CASZ1: variants seen among roughly 807,000 people sequenced by gnomAD.
CASZ1 encodes zinc finger protein castor homolog 1.
CASZ1 carries 28 observed loss-of-function variants against 135.2 expected under a neutral mutation model. The ratio of observed to expected loss-of-function variants is 0.21; its 90% CI spans 0.15 to 0.28. The LOEUF is 0.28. Among genes scored for constraint, CASZ1 ranks in the 10% least tolerant of loss-of-function variants. The pLI is 1.00. For missense variants in CASZ1, 2,161 were observed against 2,453.3 expected, an observed-to-expected ratio of 0.88 and a Z score of 2.52; for synonymous variants, 1,068 against 1,073.4, an observed-to-expected ratio of 0.99 and a Z score of 0.10.
chr1:10,670,188 C>A (rs1301390904), intron 4 of CASZ1, among the ~76,000 whole-genome samples: 1 of 152,234 alleles, frequency 6.6e-6, no homozygotes, highest in Non-Finnish European at 1.5e-5. Flanking sequence ...GAGCAGCTGG[C>A]ATCCTCTGAG....
At position 10,721,193 on chromosome 1, in the gene CASZ1, C is replaced by G. The variant is rs1351534882; in HGVS notation, c.-76-15649G>C. Among the ~76,000 whole-genome samples, 1 of 152,094 alleles carries G rather than the reference C, an allele frequency of 6.6e-6. No individual in the cohort carries two copies. Among genetic ancestry groups the G allele is most frequent in the Non-Finnish European group, 1.5e-5 (1 of 68,006 alleles). ...GCTTGGCCACCAACTCCAGACTGCA[C>G]AGGGTTAACTCCAGACAGAGGGGCT... On this transcript the variant is annotated intron_variant, in intron 2 of 20. Coordinates refer to ENST00000377022, the MANE Select transcript of CASZ1 (RefSeq NM_001079843.3). This position sits in a 1 kb window ranked among gnomAD's most constrained non-coding sequence, Gnocchi z 5.4.
In CASZ1 at chr1:10,756,063, G is replaced by A. The variant is rs1185389819; in HGVS notation, c.-77+4638C>T. Among the ~76,000 whole-genome samples the A allele has an allele frequency of 6.6e-6, 1 of 152,054 alleles. No individual in the cohort carries two copies. Among genetic ancestry groups the A allele is most frequent in the Non-Finnish European group, 1.5e-5 (1 of 68,002 alleles). On this transcript the variant is annotated intron_variant, in intron 2 of 20. Transcript: ENST00000377022. This position sits in a 1 kb window ranked among gnomAD's most constrained non-coding sequence, Gnocchi z 5.9. ...CCCGGACACACCCTCCCCCAGGGCC[G>A]GCCCAGTGTTCTGAGGCCTGGCAGA...
intron 2 of CASZ1, among the ~76,000 whole-genome samples, chr1:10,708,895 G>A (rs1175434208): frequency 1.4e-5 from 2 of 147,446 alleles, no homozygotes; most frequent in African/African-American, 2.5e-5. Flanking sequence ...GCGCTGGGAG[G>A]ACCAGAGGCT....
At chr1:10,754,530 C>T (rs1394218835) in intron 2 of CASZ1, among the ~76,000 whole-genome samples, 1 of 152,226 alleles carries the variant, frequency 6.6e-6, no homozygotes, top group East Asian at 1.9e-4. Context: ...TCTCCCCTGA[C>T]CCTACTGGAC....
chr1:10,741,570 T>C lies in CASZ1; in HGVS notation c.-77+19131A>G, dbSNP rs1639923216. Reference sequence around the variant, plus strand: ...TAGATATTTACGGGAAATACATTTGTTGGTGCCAAACCCCTGGTTTTATTA... The same window carrying C: ...TAGATATTTACGGGAAATACATTTGCTGGTGCCAAACCCCTGGTTTTATTA... On this transcript the variant is annotated intron_variant, in intron 2 of 20. Transcript: ENST00000377022. The surrounding 1 kb of genome is among the most constrained non-coding windows in gnomAD (Gnocchi z 5.0). 6.6e-6 allele frequency among the ~76,000 whole-genome samples: 1 copy of C among 152,150 alleles called. No homozygotes were observed. The highest frequency in any genetic ancestry group is 1.5e-5 in the Non-Finnish European group (1 of 68,026).
intron 2 of CASZ1, among the ~76,000 whole-genome samples, chr1:10,749,704 C>T (rs1242150550): frequency 6.6e-6 from 1 of 152,182 alleles, no homozygotes; most frequent in Non-Finnish European, 1.5e-5. Flanking sequence ...TCCAGTTTCT[C>T]TTCTTACTTT....
At chr1:10,672,353 G>C (rs1239944407) in intron 4 of CASZ1, among the ~76,000 whole-genome samples, 1 of 151,986 alleles carries the variant, frequency 6.6e-6, no homozygotes, top group African/African-American at 2.4e-5. Context: ...CACTGCTCCT[G>C]AAATAATTTT....
chr1:10,656,837 G>C, intron 7 of CASZ1, 101 bp from the exon 8 acceptor site: 1 of 734,204 alleles, frequency 1.4e-6, no homozygotes, highest in Non-Finnish European at 2.4e-6. Context: ...CCCTGTATGG[G>C]ATGCAGAGGG....
In CASZ1 at chr1:10,699,767, C is replaced by A. The variant is rs1639018458; in HGVS notation, c.-24+5725G>T. ...CCAACAGACTGATTCTCTTGTGTCT[C>A]CCTTCCCCTTTGTCTCACCCTTGTA... On this transcript the variant is annotated intron_variant, in intron 3 of 20. Coordinates refer to ENST00000377022, the MANE Select transcript of CASZ1 (RefSeq NM_001079843.3). The surrounding 1 kb of genome is among the most constrained non-coding windows in gnomAD (Gnocchi z 4.6). Among the ~76,000 whole-genome samples, 1 of 152,162 alleles carries A rather than the reference C, an allele frequency of 6.6e-6. No homozygotes were observed. Among genetic ancestry groups the A allele is most frequent in the South Asian group, 2.1e-4 (1 of 4,830 alleles).
intron 3 of CASZ1, among the ~76,000 whole-genome samples, chr1:10,702,857 A>T (rs1408649591): frequency 6.6e-6 from 1 of 152,168 alleles, no homozygotes; most frequent in Non-Finnish European, 1.5e-5. Flanking sequence ...TCTCTGCACG[A>T]TGCCGGGGAA....
At chr1:10,644,625 G>A (rs1407910650) in intron 18 of CASZ1, among the ~76,000 whole-genome samples, 4 of 152,222 alleles carry the variant, frequency 2.6e-5, no homozygotes, top group African/African-American at 9.6e-5. Flanking sequence ...AAGGAAAACA[G>A]AACCACGCCC....
Position 10,788,014 on chromosome 1 carries a change from G to A in CASZ1, c.-234+8550C>T, listed in dbSNP as rs191562811. 3.3e-5 allele frequency among the ~76,000 whole-genome samples: 5 copies of A among 152,270 alleles called. No homozygotes were observed. The highest frequency in any genetic ancestry group is 1.9e-4 in the East Asian group (1 of 5,190). On this transcript the variant is annotated intron_variant, in intron 1 of 20. Coordinates refer to ENST00000377022, the MANE Select transcript of CASZ1 (RefSeq NM_001079843.3). The surrounding 1 kb of genome is among the most constrained non-coding windows in gnomAD (Gnocchi z 4.1). ...TTCTCCATGCTGACATCTCTCCACAGAGCAAACTATCCAAGGTTCAAACAT... is the reference window on the plus strand; with the variant it reads ...TTCTCCATGCTGACATCTCTCCACAAAGCAAACTATCCAAGGTTCAAACAT...
In CASZ1 at chr1:10,759,436, A is replaced by C. The variant is rs1640321812; in HGVS notation, c.-77+1265T>G. On this transcript the variant is annotated intron_variant, in intron 2 of 20. Transcript: ENST00000377022. The surrounding 1 kb of genome is among the most constrained non-coding windows in gnomAD (Gnocchi z 4.2). ...CAGCACATCCTAAGTACGACAGACC[A>C]ACTTCAGGAGCATGATCACCTTCTG... 6.6e-6 allele frequency among the ~76,000 whole-genome samples: 1 copy of C among 152,172 alleles called. No homozygotes were observed. Among genetic ancestry groups the C allele is most frequent in the African/African-American group, 2.4e-5 (1 of 41,432 alleles).
At position 10,757,642 on chromosome 1, in the gene CASZ1, G is replaced by T. The variant is rs1640284348; in HGVS notation, c.-77+3059C>A. On this transcript the variant is annotated intron_variant, in intron 2 of 20. Transcript: ENST00000377022. The surrounding 1 kb of genome is among the most constrained non-coding windows in gnomAD (Gnocchi z 4.6). ...GTCTCTACTAAAAACACTAAAATTA[G>T]CCAGGCATGGTGGCGCTTGCCTATA... Among the ~76,000 whole-genome samples the T allele has an allele frequency of 6.6e-6, 1 of 152,124 alleles. No individual in the cohort carries two copies. The highest frequency in any genetic ancestry group is 2.1e-4 in the South Asian group (1 of 4,824).
intron 1 of CASZ1, among the ~76,000 whole-genome samples, chr1:10,791,601 G>A (rs1423357435): frequency 1.3e-5 from 2 of 152,178 alleles, no homozygotes; most frequent in Non-Finnish European, 2.9e-5. Flanking sequence ...GAGAATGACA[G>A]CCTCATATGT....
intron 4 of CASZ1, among the ~76,000 whole-genome samples, chr1:10,667,694 C>T (rs549159941): frequency 6.6e-6 from 1 of 152,164 alleles, no homozygotes; most frequent in Admixed American, 6.5e-5. Context: ...AGGAGGTAAG[C>T]AGCCAAGTGT....
At position 10,710,797 on chromosome 1, in the gene CASZ1, C is replaced by G. The variant is rs1444728974; in HGVS notation, c.-76-5253G>C. ...TCATCAGGCACTCACTGAGCACACA[C>G]TGTGTGCGTGACGCTGTGCCAGGCA... is the stretch of plus-strand genomic sequence containing the variant. On this transcript the variant is annotated intron_variant, in intron 2 of 20. Coordinates refer to ENST00000377022, the MANE Select transcript of CASZ1 (RefSeq NM_001079843.3). 2.0e-5 allele frequency among the ~76,000 whole-genome samples: 3 copies of G among 152,374 alleles called. No homozygotes were observed. The East Asian group carries it at 5.8e-4, about 29-fold the overall frequency.
At chr1:10,650,864 C>T in intron 12 of CASZ1, 77 bp downstream of exon 12, 14 of 1,604,764 alleles carry the variant, frequency 8.7e-6, no homozygotes, top group Admixed American at 1.7e-5. Context: ...CTGCAACTGC[C>T]TGGGCGGGAC....
chr1:10,773,864 T>C (rs1640616457), intron 1 of CASZ1, among the ~76,000 whole-genome samples: 1 of 152,190 alleles, frequency 6.6e-6, no homozygotes, highest in African/African-American at 2.4e-5. Flanking sequence ...TGATATGCGC[T>C]GAGAAGAGGC....
Sources: allele counts gnomAD v4.1 joint callset (sites outside exome capture counted in the v4.1 genomes callset), GRCh38; gene constraint gnomAD v4.1.1; non-coding constraint Gnocchi (gnomAD v3.1); transcripts MANE v1.5; gene names NCBI Gene and HGNC (gene_info 2026-07-23, HGNC 2026-07-21).